The following RAB2A variants were observed in gnomAD, a reference collection of about 807,000 sequenced individuals.
The protein encoded by RAB2A is ras-related protein Rab-2A.
RAB2A carries 7 observed loss-of-function variants against 32.5 expected under a neutral mutation model. The observed-to-expected ratio is 0.22, with a 90% CI of 0.12 to 0.40. The LOEUF (loss-of-function observed/expected upper bound fraction) is 0.40. RAB2A is among the 10% of genes least tolerant of loss of function. The pLI, the probability that RAB2A is intolerant of heterozygous loss-of-function variation, is 1.00. For missense variants in RAB2A, 108 were observed against 260.7 expected, an observed-to-expected ratio of 0.41 and a Z score of 4.03; for synonymous variants, 79 against 85.2, an observed-to-expected ratio of 0.93 and a Z score of 0.40.
intron 2 of RAB2A, 48 bp from the exon 3 acceptor site, chr8:60,571,998 G>A: frequency 7.4e-7 from 1 of 1,358,214 alleles, no homozygotes; most frequent in Middle Eastern, 1.8e-4. Flanking sequence ...TTGAAAGTGA[G>A]ATATATTCCC....
intron 6 of RAB2A, among the ~76,000 whole-genome samples, chr8:60,608,688 G>A (rs1804285322): frequency 7.0e-6 from 1 of 141,858 alleles, no homozygotes; most frequent in African/African-American, 2.7e-5. Flanking sequence ...ACCTAAGTCT[G>A]TTACTTCAGG....
chr8:60,544,707 A>G (rs533818128), intron 1 of RAB2A, among the ~76,000 whole-genome samples: 27 of 151,816 alleles, frequency 1.8e-4, no homozygotes, highest in African/African-American at 6.0e-4. Flanking sequence ...TCATTTTGCA[A>G]TTTTATACAT....
At chr8:60,617,475 T>A (rs1804465378) in intron 6 of RAB2A, among the ~76,000 whole-genome samples, 1 of 152,224 alleles carries the variant, frequency 6.6e-6, no homozygotes, top group Admixed American at 6.5e-5. Flanking sequence ...AATTGAAATG[T>A]GTTTTTCTCT....
intron 5 of RAB2A, among the ~76,000 whole-genome samples, chr8:60,589,410 CA>C (rs1803899414): frequency 6.6e-6 from 1 of 152,054 alleles, no homozygotes; most frequent in Non-Finnish European, 1.5e-5. Flanking sequence ...GGATAGACAT[CA>C]AAACAGGGAA....
chr8:60,573,384 TC>T (rs560734367), intron 3 of RAB2A, among the ~76,000 whole-genome samples: 27 of 152,330 alleles, frequency 1.8e-4, no homozygotes, highest in Non-Finnish European at 3.2e-4. Context: ...TTAGAGAACA[TC>T]CGGTCTCACA....
At chr8:60,552,000 A>ATTTTTTTTTTTTTT (rs1807856691) in intron 1 of RAB2A, 1 of 61,034 alleles carries the variant, frequency 1.6e-5, no homozygotes. Context: ...AGTAGCTGGG[A>ATTTTTTTTTTTTTT]GTTTTTTTTT....
At chr8:60,540,893 A>G (rs1807634121) in intron 1 of RAB2A, among the ~76,000 whole-genome samples, 1 of 152,248 alleles carries the variant, frequency 6.6e-6, no homozygotes, top group African/African-American at 2.4e-5. Context: ...CACAATGGGT[A>G]AAAAGCTTTT....
chr8:60,552,700 A>G (rs900102084), intron 1 of RAB2A: 1 of 152,266 alleles, frequency 6.6e-6, no homozygotes, highest in African/African-American at 2.4e-5. Flanking sequence ...AATTATGTCC[A>G]AAAAGATGAA....
intron 3 of RAB2A, among the ~76,000 whole-genome samples, chr8:60,583,263 C>A (rs755795827): frequency 1.4e-4 from 21 of 152,032 alleles, no homozygotes; most frequent in Non-Finnish European, 2.4e-4. Flanking sequence ...ATTGGCTTTA[C>A]GTTTACTTAA....
chr8:60,585,545 T>C (rs1803833672), intron 5 of RAB2A, among the ~76,000 whole-genome samples: 1 of 152,116 alleles, frequency 6.6e-6, no homozygotes, highest in Non-Finnish European at 1.5e-5. Context: ...GCTCCTAACC[T>C]CAAGTGATTC....
At chr8:60,536,591 A>T (rs1230727931) in intron 1 of RAB2A, among the ~76,000 whole-genome samples, 1 of 152,224 alleles carries the variant, frequency 6.6e-6, no homozygotes, top group South Asian at 2.1e-4. Context: ...TGACTTATCT[A>T]TGTGACCTAC....
At chr8:60,545,521 T>C (rs1383966427) in intron 1 of RAB2A, among the ~76,000 whole-genome samples, 5 of 152,120 alleles carry the variant, frequency 3.3e-5, no homozygotes. Flanking sequence ...AAGCAGTCAC[T>C]CCTCCTGCCT....
At chr8:60,526,056 T>TATATATATATATATATA (rs1372267520) in intron 1 of RAB2A, among the ~76,000 whole-genome samples, 18 of 125,546 alleles carry the variant, frequency 1.4e-4, no homozygotes, top group East Asian at 2.5e-4. Context: ...TATATATATA[T>TATATATATATATATATA]AAGTTTTCTG....
rs775622916 is a variant in RAB2A, at chr8:60,537,762, C to A, written c.46+20509C>A. On this transcript the variant is annotated intron_variant, in intron 1 of 7. Coordinates refer to ENST00000262646, the MANE Select transcript of RAB2A (RefSeq NM_002865.3). Reference sequence around the variant, plus strand: ...GTGGGAGTGCAGTGGCTCACTGCAGCCTTGACCTCCCTGGCTCAAGCAATC... The same window carrying A: ...GTGGGAGTGCAGTGGCTCACTGCAGACTTGACCTCCCTGGCTCAAGCAATC... Among the ~76,000 whole-genome samples, 3 of 152,214 alleles carry A rather than the reference C, an allele frequency of 2.0e-5. No homozygotes were observed. The East Asian group carries it at 5.8e-4, about 29-fold the overall frequency.
intron 1 of RAB2A, among the ~76,000 whole-genome samples, chr8:60,535,624 A>T (rs763292640): frequency 6.6e-6 from 1 of 152,252 alleles, no homozygotes; most frequent in Non-Finnish European, 1.5e-5. Flanking sequence ...AACTCTGGTT[A>T]ATGTAAACAG....
At chr8:60,554,148 G>C (rs546982987) in intron 1 of RAB2A, among the ~76,000 whole-genome samples, 1 of 152,194 alleles carries the variant, frequency 6.6e-6, no homozygotes, top group South Asian at 2.1e-4. Flanking sequence ...TGAGTTAATT[G>C]TATCTGCATT....
intron 1 of RAB2A, among the ~76,000 whole-genome samples, chr8:60,525,140 G>A (rs375285653): frequency 2.9e-4 from 44 of 152,234 alleles, no homozygotes; most frequent in African/African-American, 1.0e-3. Flanking sequence ...TGTCCCACTC[G>A]AATCTCATCT....
At chr8:60,562,839 C>A (rs867769315) in intron 2 of RAB2A, among the ~76,000 whole-genome samples, 1 of 152,116 alleles carries the variant, frequency 6.6e-6, no homozygotes, top group Non-Finnish European at 1.5e-5. Context: ...CTTGCCACTA[C>A]CACTTATGTA....
Position 60,584,301 on chromosome 8 carries a change from G to T in RAB2A, c.269+11G>T, listed in dbSNP as rs1365302600. On this transcript the variant is annotated intron_variant, in intron 4 of 7. Transcript: ENST00000262646. ...TTACGATATTACACGGTGAGAACTT[G>T]AAAACTTTGCAATTCAGTAGTTGAT... 2.5e-6 allele frequency: 4 copies of T among 1,573,988 alleles called. No individual in the cohort carries two copies. The highest frequency in any genetic ancestry group is 1.1e-5 in the South Asian group (1 of 90,132).
Sources: gnomAD v4.1 joint callset for allele counts (sites outside exome capture counted in the v4.1 genomes callset) on GRCh38, gnomAD v4.1.1 for gene constraint, MANE v1.5 for transcripts, NCBI Gene and HGNC (gene_info 2026-07-23, HGNC 2026-07-21) for gene names.